EBF1: variants seen among roughly 807,000 people sequenced by gnomAD.
EBF1 encodes EBF transcription factor 1.
In EBF1, 10 loss-of-function variants were observed where a neutral mutation model predicts 68.4. The ratio of observed to expected loss-of-function variants is 0.15; its 90% CI spans 0.09 to 0.25. The LOEUF (loss-of-function observed/expected upper bound fraction) is 0.25. Ranked by LOEUF, EBF1 falls within the 10% of genes least tolerant of loss-of-function variation. EBF1 has a pLI of 1.00. For missense variants in EBF1, 509 were observed against 794.4 expected (o/e 0.64, Z 4.32); for synonymous variants, 298 against 299.8 (o/e 0.99, Z 0.06).
intron 6 of EBF1, among the ~76,000 whole-genome samples, chr5:158,867,190 G>A (rs1047834796): frequency 1.3e-5 from 2 of 152,094 alleles, no homozygotes; most frequent in African/African-American, 4.8e-5. Context: ...TGGTGTCAAT[G>A]AAAGGAGAGG....
At chr5:158,858,874 A>G (rs1261041260) in intron 6 of EBF1, among the ~76,000 whole-genome samples, 2 of 152,086 alleles carry the variant, frequency 1.3e-5, no homozygotes, top group Admixed American at 1.3e-4. Flanking sequence ...AAGCCCTCCT[A>G]ATGAGGTCAG....
intron 6 of EBF1, among the ~76,000 whole-genome samples, chr5:158,875,246 A>G (rs1052423902): frequency 6.6e-6 from 1 of 152,208 alleles, no homozygotes; most frequent in Non-Finnish European, 1.5e-5. Context: ...TGAATTTGTC[A>G]ATAGGGTAGA....
At chr5:158,702,435 C>A (rs1256024155) in intron 15 of EBF1, among the ~76,000 whole-genome samples, 3 of 152,152 alleles carry the variant, frequency 2.0e-5, no homozygotes, top group Non-Finnish European at 4.4e-5. Flanking sequence ...TTTTCCCCAG[C>A]AGCTGGATGA....
intron 6 of EBF1, among the ~76,000 whole-genome samples, chr5:158,933,198 A>G (rs911371307): frequency 9.9e-5 from 15 of 152,156 alleles, no homozygotes; most frequent in African/African-American, 3.4e-4. Flanking sequence ...TTTGACATGT[A>G]AACTTTTTCC....
At chr5:159,009,883 C>A (rs1764287544) in intron 6 of EBF1, among the ~76,000 whole-genome samples, 1 of 151,958 alleles carries the variant, frequency 6.6e-6, no homozygotes, top group Non-Finnish European at 1.5e-5. Context: ...AAAATTATTT[C>A]ATTTTATCTC....
intron 9 of EBF1, among the ~76,000 whole-genome samples, chr5:158,779,230 ATCC>A (rs1775920547): frequency 6.6e-6 from 1 of 152,016 alleles, no homozygotes; most frequent in South Asian, 2.1e-4. Flanking sequence ...CTGTATTTTT[ATCC>A]TTTTTTTTTT....
chr5:159,032,012 G>A (rs746328611), intron 6 of EBF1, among the ~76,000 whole-genome samples: 10 of 151,896 alleles, frequency 6.6e-5, no homozygotes, highest in Non-Finnish European at 1.5e-4. Context: ...TTTCTTCTAG[G>A]TTACCTGGTG....
chr5:158,905,411 C>A (rs1233072004), intron 6 of EBF1, among the ~76,000 whole-genome samples: 2 of 152,142 alleles, frequency 1.3e-5, no homozygotes, highest in South Asian at 4.1e-4. Context: ...ATTAAAGAGG[C>A]AGTTTGTTCT....
In EBF1 at chr5:159,050,210, C is replaced by T. The variant is rs535986988; in HGVS notation, c.554+23186G>A. ...CTCTTTTCTCTCTCTCTCCTCTCCT[C>T]CCTCTCTCTCTCCTCTCCTCCCTCT... On this transcript the variant is annotated intron_variant, in intron 6 of 15. Coordinates refer to ENST00000313708, the MANE Select transcript of EBF1 (RefSeq NM_024007.5). Among the ~76,000 whole-genome samples the T allele has an allele frequency of 2.7e-5, 4 of 148,594 alleles. No homozygotes were observed. The East Asian group carries it at 7.9e-4, about 29-fold the overall frequency.
intron 6 of EBF1, among the ~76,000 whole-genome samples, chr5:158,863,534 C>A (rs1246940812): frequency 1.3e-5 from 2 of 152,054 alleles, no homozygotes; most frequent in African/African-American, 4.8e-5. Context: ...ATGCTACCTA[C>A]GATTAAGAAA....
In EBF1 at chr5:158,999,086, GA is replaced by G. The variant is rs796652850; in HGVS notation, c.554+74309del. ...TTTGTGTTTCATTTTCTCTTTGAAA[GA>G]AAAAAAAAAATCTGACAGAAAAAGA... is the stretch of plus-strand genomic sequence containing the variant. On this transcript the variant is annotated intron_variant, in intron 6 of 15. Transcript: ENST00000313708. 3.4e-3 allele frequency among the ~76,000 whole-genome samples: 484 copies of G among 143,830 alleles called. 5 individuals are homozygous for G. The highest frequency in any genetic ancestry group is 9.3e-3 in the African/African-American group (367 of 39,430). The allele number at this position is 143,830 out of a possible 152,430, so 94.4% of individuals were successfully genotyped here. A position where few individuals can be genotyped will look rare whatever the true frequency, so the allele number is the denominator to read the frequency against.
At chr5:159,070,550 C>T (rs1777619092) in intron 6 of EBF1, among the ~76,000 whole-genome samples, 1 of 152,114 alleles carries the variant, frequency 6.6e-6, no homozygotes, top group Non-Finnish European at 1.5e-5. Flanking sequence ...TGCACTATGA[C>T]CAGAAAGTCT....
chr5:159,051,562 G>A (rs747723783), intron 6 of EBF1, among the ~76,000 whole-genome samples: 2 of 151,432 alleles, frequency 1.3e-5, no homozygotes, highest in Non-Finnish European at 2.9e-5. Context: ...GCTACGTGTC[G>A]CTAACAACAA....
At chr5:158,710,228 T>A (rs1758881650) in intron 14 of EBF1, among the ~76,000 whole-genome samples, 1 of 152,234 alleles carries the variant, frequency 6.6e-6, no homozygotes, top group Non-Finnish European at 1.5e-5. Context: ...ACTATGTTTG[T>A]GAGCACTGAG....
intron 15 of EBF1, 72 bp from the exon 16 acceptor site, chr5:158,699,214 T>TAAAA: frequency 2.6e-6 from 3 of 1,152,070 alleles, no homozygotes; most frequent in Non-Finnish European, 3.6e-6. Context: ...TAATGAAGAC[T>TAAAA]AAAAAAAAAA....
intron 6 of EBF1, among the ~76,000 whole-genome samples, chr5:158,864,223 CAAAAAAAAAAAA>C (rs34498854): frequency 4.4e-4 from 26 of 58,614 alleles, no homozygotes; most frequent in African/African-American, 3.3e-4. Flanking sequence ...GACTCTGTCT[CAAAAAAAAAAAA>C]AAAAAAAAAA....
At chr5:158,769,399 T>C (rs1581722196) in intron 10 of EBF1, among the ~76,000 whole-genome samples, 1 of 142,526 alleles carries the variant, frequency 7.0e-6, no homozygotes, top group East Asian at 1.9e-4. Context: ...TCAGTGAAAA[T>C]ATCCCTTTTA....
chr5:158,913,256 TC>T (rs1198033328), intron 6 of EBF1, among the ~76,000 whole-genome samples: 1 of 152,224 alleles, frequency 6.6e-6, no homozygotes, highest in African/African-American at 2.4e-5. Context: ...CTATTGCATG[TC>T]AAAGTAATCA....
chr5:158,902,411 T>C (rs1475943549), intron 6 of EBF1, among the ~76,000 whole-genome samples: 1 of 73,152 alleles, frequency 1.4e-5, no homozygotes, highest in Non-Finnish European at 2.7e-5. Context: ...AAAAGCCTGC[T>C]TCTTTTTCTT....
Sources: allele counts gnomAD v4.1 joint callset (sites outside exome capture counted in the v4.1 genomes callset), GRCh38; gene constraint gnomAD v4.1.1; transcripts MANE v1.5; gene names NCBI Gene and HGNC (gene_info 2026-07-23, HGNC 2026-07-21).